Variants in SLX9 observed in about 807,000 individuals in gnomAD.
The protein encoded by SLX9 is ribosome biogenesis protein SLX9 homolog.
SLX9 carries 19 observed loss-of-function variants against 20.8 expected under a neutral mutation model. The observed-to-expected ratio is 0.91, with a 90% CI of 0.64 to 1.34. SLX9 has a LOEUF of 1.34. SLX9 is among the 40% of genes most tolerant of loss of function. The pLI is 0.00. For missense variants in SLX9, 299 were observed against 322.2 expected (o/e 0.93, Z 0.55); for synonymous variants, 113 against 137.1 (o/e 0.82, Z 1.23).
At chr21:44,946,076 T>C (rs1285434488) in intron 2 of SLX9, among the ~76,000 whole-genome samples, 2 of 152,200 alleles carry the variant, frequency 1.3e-5, no homozygotes, top group Non-Finnish European at 2.9e-5. Context: ...TAATTTAGAG[T>C]AACTGGTGGG....
chr21:44,950,505 G>A lies in SLX9; in HGVS notation c.283+6668G>A, dbSNP rs574843452. On this transcript the variant is annotated intron_variant, in intron 2 of 5. Coordinates refer to ENST00000291634, the MANE Select transcript of SLX9 (RefSeq NM_058190.4). ...GGTGCGCCTTCTTACCTGCGCTCCT[G>A]CAGAGAGTGTGGCCGTGCCAGCCGG... 9.1e-4 allele frequency among the ~76,000 whole-genome samples: 138 copies of A among 152,344 alleles called. 1 individual carries two copies. The South Asian group carries it at 0.029, about 32-fold the overall frequency.
At chr21:44,953,079 A>C (rs1156757928) in intron 2 of SLX9, among the ~76,000 whole-genome samples, 1 of 152,050 alleles carries the variant, frequency 6.6e-6, no homozygotes. Context: ...CCCCCTTGGC[A>C]TCCCACCTGG....
chr21:44,974,007 C>T (rs937911712), intron 5 of SLX9, among the ~76,000 whole-genome samples: 29 of 152,312 alleles, frequency 1.9e-4, no homozygotes, highest in Admixed American at 9.2e-4. Flanking sequence ...CTGGGCACTG[C>T]GGCCCCCAGT....
upstream of SLX9, chr21:44,939,926 C>G: frequency 1.0e-6 from 1 of 980,604 alleles, no homozygotes; most frequent in Non-Finnish European, 1.4e-6. Context: ...TGCGCCCGCC[C>G]GAGCCGCTTC....
rs552219406 is a variant in SLX9 at position 44,951,478 on chromosome 21, G to A, written c.283+7641G>A. Among the ~76,000 whole-genome samples the A allele has an allele frequency of 3.9e-5, 6 of 152,232 alleles. No individual in the cohort carries two copies. The East Asian group carries it at 7.7e-4, about 20-fold the overall frequency. ...TCCTCAGCGCACGGGGCGAACGGCC[G>A]CGTCTTTGCCCACCGTGCCTCACTC... is the stretch of plus-strand genomic sequence containing the variant. On this transcript the variant is annotated intron_variant, in intron 2 of 5. Transcript: ENST00000291634.
At chr21:44,947,479 C>G (rs1294262305) in intron 2 of SLX9, among the ~76,000 whole-genome samples, 1 of 152,166 alleles carries the variant, frequency 6.6e-6, no homozygotes, top group Non-Finnish European at 1.5e-5. Flanking sequence ...CCTCCTCCCC[C>G]ACTCTAGCCC....
chr21:44,960,232 TTCC>T (rs2084929802), intron 3 of SLX9, 64 bp downstream of exon 3: 2 of 1,459,540 alleles, frequency 1.4e-6, no homozygotes, highest in East Asian at 4.5e-5. Flanking sequence ...GGCCCTCCTA[TTCC>T]TACAGCCTCA....
intron 3 of SLX9, among the ~76,000 whole-genome samples, chr21:44,962,061 A>G (rs868120784): frequency 6.6e-6 from 1 of 152,240 alleles, no homozygotes; most frequent in Non-Finnish European, 1.5e-5. Flanking sequence ...CTGTCCATCT[A>G]CCAACATGGG....
At chr21:44,939,996 G>A, upstream of SLX9, 5 of 1,363,136 alleles carry the variant, frequency 3.7e-6, no homozygotes, top group Non-Finnish European at 4.7e-6. Flanking sequence ...CCGCCGGGCG[G>A]CGAGAACGCA....
At chr21:44,972,575 G>A (rs1277248005) in intron 4 of SLX9, among the ~76,000 whole-genome samples, 1 of 152,234 alleles carries the variant, frequency 6.6e-6, no homozygotes, top group African/African-American at 2.4e-5. Flanking sequence ...GCAGGTGCAG[G>A]CAGGGCAGGA....
Position 44,943,847 on chromosome 21 carries a change from G to T in SLX9, c.283+10G>T. 6.2e-7 allele frequency: 1 copy of T among 1,613,972 alleles called. No homozygotes were observed. The highest frequency in any genetic ancestry group is 1.1e-5 in the South Asian group (1 of 91,044). On this transcript the variant is annotated intron_variant, in intron 2 of 5. Transcript: ENST00000291634. ...CCTTCCATCAGGAGAGGTGAGGCAGGCTCGACGGGTTACCATGCTGATACC... is the reference window on the plus strand; with the variant it reads ...CCTTCCATCAGGAGAGGTGAGGCAGTCTCGACGGGTTACCATGCTGATACC...
chr21:44,974,667 G>A (rs144503467), intron 5 of SLX9, among the ~76,000 whole-genome samples: 337 of 152,336 alleles, frequency 2.2e-3, no homozygotes, highest in Non-Finnish European at 3.7e-3. Flanking sequence ...CTGGGCTGCA[G>A]CGATCCTCCT....
chr21:44,975,421 A>C (rs2085243217), intron 5 of SLX9, among the ~76,000 whole-genome samples: 1 of 152,190 alleles, frequency 6.6e-6, no homozygotes, highest in Non-Finnish European at 1.5e-5. Context: ...GGAGCCACAC[A>C]GTGCCAGGGG....
At chr21:44,958,688 C>T (rs968297580) in intron 2 of SLX9, among the ~76,000 whole-genome samples, 10 of 152,244 alleles carry the variant, frequency 6.6e-5, no homozygotes, top group African/African-American at 9.6e-5. Flanking sequence ...CGGAAAGCGG[C>T]GGGAGCTGGG....
rs193019424 is a variant in SLX9 at position 44,941,847 on chromosome 21, C to T, written c.129+1661C>T. On this transcript the variant is annotated intron_variant, in intron 1 of 5. Coordinates refer to ENST00000291634, the MANE Select transcript of SLX9 (RefSeq NM_058190.4). ...ATCTGTCACCACCCAGAGCTCCTTC[C>T]TGGTCAGCAACACCCTTAGGCGTGA... 3.1e-3 allele frequency among the ~76,000 whole-genome samples: 470 copies of T among 152,354 alleles called. 7 individuals carry two copies. Among genetic ancestry groups the T allele is most frequent in the African/African-American group, 0.01 (429 of 41,580 alleles).
intron 1 of SLX9, 61 bp downstream of exon 1, chr21:44,940,247 G>A (rs1035316863): frequency 2.3e-5 from 28 of 1,199,320 alleles, no homozygotes; most frequent in Admixed American, 1.3e-4. Context: ...GTGAGCTGCG[G>A]GGCGCCGCCT....
intron 4 of SLX9, among the ~76,000 whole-genome samples, chr21:44,970,916 C>G (rs891721922): frequency 6.6e-6 from 1 of 152,248 alleles, no homozygotes; most frequent in Non-Finnish European, 1.5e-5. Flanking sequence ...AATCCCCTGT[C>G]CTGGCGCCCT....
In SLX9 at chr21:44,976,914, G is replaced by C; in HGVS notation, c.*111G>C. ...CTGGTGGACGCCCTTCCCTCTGGTC[G>C]GTTGTGGGGCTCAATAAATGGCTCT... On this transcript the variant is annotated 3_prime_UTR_variant, in exon 6 of 6. Coordinates refer to ENST00000291634, the MANE Select transcript of SLX9 (RefSeq NM_058190.4). 7.0e-7 allele frequency: 1 copy of C among 1,434,468 alleles called. No individual in the cohort carries two copies. Among genetic ancestry groups the C allele is most frequent in the Non-Finnish European group, 9.4e-7 (1 of 1,066,114 alleles). The allele number at this position is 1,434,468 out of a possible 1,614,324, so 88.9% of individuals were successfully genotyped here.
intron 2 of SLX9, among the ~76,000 whole-genome samples, chr21:44,954,155 C>T (rs909917991): frequency 1.3e-5 from 2 of 152,058 alleles, no homozygotes; most frequent in Admixed American, 6.5e-5. Flanking sequence ...GTGGAGTGTG[C>T]CAGGAGCCTG....
Sources: gnomAD v4.1 joint callset for allele counts (sites outside exome capture counted in the v4.1 genomes callset) on GRCh38, gnomAD v4.1.1 for gene constraint, MANE v1.5 for transcripts, NCBI Gene and HGNC (gene_info 2026-07-23, HGNC 2026-07-21) for gene names.